The following MYOM1 variants were observed in gnomAD, a reference collection of about 807,000 sequenced individuals.
MYOM1 encodes the protein myomesin-1.
Under a neutral mutation model 205.3 loss-of-function variants are expected in MYOM1, and 164 were observed. The observed-to-expected ratio is 0.80, with a 90% confidence interval of 0.70 to 0.91. The LOEUF (loss-of-function observed/expected upper bound fraction) is 0.91. MYOM1 is among the 40% of genes least tolerant of loss of function. The probability of loss-of-function intolerance (pLI) is 0.00; values close to 1 mark genes in which losing one functional copy is unlikely to be tolerated. For synonymous variants in MYOM1, 772 were observed against 789.4 expected, an observed-to-expected ratio of 0.98 and a Z score of 0.37; for missense variants, 2,011 against 2,127.3, an observed-to-expected ratio of 0.95 and a Z score of 1.08.
rs1662316 is a variant in MYOM1 at position 3,215,158 on chromosome 18, C to T, written c.66G>A (p.Val22=). The T allele has an allele frequency of 1.2e-6, 2 of 1,613,500 alleles. No homozygotes were observed. Among genetic ancestry groups the T allele is most frequent in the Non-Finnish European group, 1.7e-6 (2 of 1,179,730 alleles). Reference sequence around the variant, plus strand: ...GCTGGTAGTGACTCACGGTGCTGCGCACGTCCTTGTTGCGGTAGCTGAGAT... The same window carrying T: ...GCTGGTAGTGACTCACGGTGCTGCGTACGTCCTTGTTGCGGTAGCTGAGAT... ...HYDLSYRNKD[V]RSTVSHYQRE... Residue 22 remains valine (V), a synonymous_variant, in exon 2 of 38, where the codon GTG becomes GTA. Transcript: ENST00000356443.
chr18:3,081,847 A>G (rs977060410), intron 33 of MYOM1, among the ~76,000 whole-genome samples: 1 of 152,242 alleles, frequency 6.6e-6, no homozygotes, highest in Admixed American at 6.5e-5. Flanking sequence ...ACTGTTTTAT[A>G]TAACAGTAAA....
At chr18:3,115,155 G>A (rs2079586958) in intron 21 of MYOM1, among the ~76,000 whole-genome samples, 1 of 151,804 alleles carries the variant, frequency 6.6e-6, no homozygotes, top group African/African-American at 2.4e-5. Flanking sequence ...GGAATCCAGG[G>A]ACCTCTGGAC....
At chr18:3,176,577 T>A (rs1040085583) in intron 5 of MYOM1, among the ~76,000 whole-genome samples, 1 of 152,194 alleles carries the variant, frequency 6.6e-6, no homozygotes, top group South Asian at 2.1e-4. Flanking sequence ...GTCAGTTACA[T>A]GGGTGTGTGC....
intron 34 of MYOM1, among the ~76,000 whole-genome samples, chr18:3,078,871 T>G (rs2079050595): frequency 6.6e-6 from 1 of 152,088 alleles, no homozygotes; most frequent in African/African-American, 2.4e-5. Flanking sequence ...GGGGTTTCAC[T>G]ATGTTGCTAC....
At chr18:3,226,894 G>A in the MYOM1 span, among the ~76,000 whole-genome samples, 1 of 152,214 alleles carries the variant, frequency 6.6e-6, no homozygotes, top group Non-Finnish European at 1.5e-5. This position sits in a 1 kb window ranked among gnomAD's most constrained non-coding sequence, Gnocchi z 4.6. Context: ...TGTGGCCAGG[G>A]ATCAGCTGTT....
At chr18:3,245,484 G>C in the MYOM1 span, among the ~76,000 whole-genome samples, 2 of 152,232 alleles carry the variant, frequency 1.3e-5, no homozygotes, top group Non-Finnish European at 2.9e-5. Flanking sequence ...AGAAATATCA[G>C]AGTCAGAGGC....
chr18:3,117,278 A>G (rs2079619919), intron 20 of MYOM1, among the ~76,000 whole-genome samples: 2 of 152,246 alleles, frequency 1.3e-5, no homozygotes, highest in Non-Finnish European at 2.9e-5. Context: ...TTCAAAGGAA[A>G]AAGCATCACT....
chr18:3,120,268 C>G (rs1042314037), intron 19 of MYOM1, among the ~76,000 whole-genome samples: 12 of 152,072 alleles, frequency 7.9e-5, no homozygotes, highest in Admixed American at 6.5e-4. Flanking sequence ...ATTAGGGTCC[C>G]TAGTCAGCTG....
rs371140666 is a variant in MYOM1 at position 3,181,789 on chromosome 18, C to T, written c.930-5655G>A. Among the ~76,000 whole-genome samples, 12 of 146,168 alleles carry T rather than the reference C, an allele frequency of 8.2e-5. 1 individual carries two copies. In the East Asian group the frequency reaches 2.4e-3, roughly 29 times the overall value. On this transcript the variant is annotated intron_variant, in intron 5 of 37. Coordinates refer to ENST00000356443, the MANE Select transcript of MYOM1 (RefSeq NM_003803.4). ...TTGCTCTGTCCCCCAGGCTGTAGCG[C>T]AGTGGTGCGATCTCACTCACTGCAA...
Position 3,135,500 on chromosome 18 carries a change from T to G in MYOM1, c.2209+47A>C, listed in dbSNP as rs745587138. 1 of 1,567,022 alleles carries G rather than the reference T, an allele frequency of 6.4e-7. No individual in the cohort carries two copies. The highest frequency in any genetic ancestry group is 1.7e-4 in the Middle Eastern group (1 of 5,932). ...GCCAAATATACATATACTAGATCCTTGCTTTGAAATTTTCTCTTGAAGTAA... is the reference window on the plus strand; with the variant it reads ...GCCAAATATACATATACTAGATCCTGGCTTTGAAATTTTCTCTTGAAGTAA... On this transcript the variant is annotated intron_variant, in intron 15 of 37. Coordinates refer to ENST00000356443, the MANE Select transcript of MYOM1 (RefSeq NM_003803.4). The surrounding 1 kb of genome is among the most constrained non-coding windows in gnomAD (Gnocchi z 4.1).
chr18:3,193,883 G>A lies in MYOM1; in HGVS notation c.366C>T (p.Ser122=). 6.2e-7 allele frequency: 1 copy of A among 1,613,858 alleles called. No homozygotes were observed. Among genetic ancestry groups the A allele is most frequent in the Non-Finnish European group, 8.5e-7 (1 of 1,179,828 alleles). The change falls in exon 3 of 38, where the codon AGC becomes AGT. Residue 122 remains serine, a synonymous_variant. Transcript: ENST00000356443. ...TTTCTTTCTCTTCTCCAGACAGTAG[G>A]CTGTGCTTGGCTCTCTTTGGTTTGG... ...LSPKPKRAKH[S]LLSGEEKENL... is the part of the protein sequence containing the mutation.
chr18:3,197,830 A>G lies in MYOM1; in HGVS notation c.291-3872T>C, dbSNP rs574601069. On this transcript the variant is annotated intron_variant, in intron 2 of 37. Coordinates refer to ENST00000356443, the MANE Select transcript of MYOM1 (RefSeq NM_003803.4). ...AGAGCTTGCAGTGAGCCGAGATCGCACCACTGCACTCTGGCCTGGGTGACA... is the reference window on the plus strand; with the variant it reads ...AGAGCTTGCAGTGAGCCGAGATCGCGCCACTGCACTCTGGCCTGGGTGACA... 6.2e-3 allele frequency among the ~76,000 whole-genome samples: 950 copies of G among 152,166 alleles called. 12 individuals carry two copies. Among genetic ancestry groups the G allele is most frequent in the African/African-American group, 0.02 (817 of 41,502 alleles).
intron 2 of MYOM1, among the ~76,000 whole-genome samples, chr18:3,200,751 A>C (rs2081055640): frequency 6.6e-6 from 1 of 152,228 alleles, no homozygotes; most frequent in Non-Finnish European, 1.5e-5. Flanking sequence ...AATGTCAAAC[A>C]TACTAACATA....
At chr18:3,156,608 C>CTTT (rs879296741) in intron 10 of MYOM1, among the ~76,000 whole-genome samples, 2 of 140,866 alleles carry the variant, frequency 1.4e-5, no homozygotes, top group African/African-American at 2.6e-5. Context: ...ACACTTCTTT[C>CTTT]TTTTTTTTTT....
At chr18:3,240,164 G>A in the MYOM1 span, among the ~76,000 whole-genome samples, 1 of 152,120 alleles carries the variant, frequency 6.6e-6, no homozygotes, top group African/African-American at 2.4e-5. Context: ...TAATCACTAC[G>A]TTTATTCATT....
At chr18:3,183,557 C>T (rs758472593) in intron 5 of MYOM1, among the ~76,000 whole-genome samples, 4 of 152,146 alleles carry the variant, frequency 2.6e-5, no homozygotes, top group Non-Finnish European at 5.9e-5. Context: ...GAGACAGGCC[C>T]GCCACACGTG....
chr18:3,218,957 A>G (rs2081300863), intron 1 of MYOM1, among the ~76,000 whole-genome samples: 2 of 152,172 alleles, frequency 1.3e-5, no homozygotes, highest in South Asian at 4.1e-4. Context: ...TGAAGCCCAC[A>G]TTGCTGATTG....
intron 18 of MYOM1, among the ~76,000 whole-genome samples, chr18:3,128,886 C>T (rs2079833954): frequency 6.6e-6 from 1 of 152,164 alleles, no homozygotes; most frequent in Non-Finnish European, 1.5e-5. Context: ...CAAAGGACCT[C>T]ACACAGGCTA....
At chr18:3,123,827 A>ATTTTTTTTTTTTTTTTT (rs5822739) in intron 19 of MYOM1, among the ~76,000 whole-genome samples, 1 of 147,384 alleles carries the variant, frequency 6.8e-6, no homozygotes, top group African/African-American at 2.6e-5. Flanking sequence ...ATTTTTATTT[A>ATTTTTTTTTTTTTTTTT]TTTATTTTTT....
Sources: allele counts gnomAD v4.1 joint callset (sites outside exome capture counted in the v4.1 genomes callset), GRCh38; gene constraint gnomAD v4.1.1; non-coding constraint Gnocchi (gnomAD v3.1); transcripts MANE v1.5; gene names NCBI Gene and HGNC (gene_info 2026-07-23, HGNC 2026-07-21).